Variants in COLEC12 observed in about 807,000 individuals in gnomAD.
COLEC12 encodes the protein collectin subfamily member 12, also known as collectin-12.
COLEC12 carries 33 observed loss-of-function variants against 71.1 expected under a neutral mutation model. That is an observed-to-expected ratio of 0.46 (90% CI 0.35 to 0.62). The LOEUF (loss-of-function observed/expected upper bound fraction) is 0.62. COLEC12 is among the 20% of genes least tolerant of loss of function. The pLI, the probability that COLEC12 is intolerant of heterozygous loss-of-function variation, is 0.00. For synonymous variants in COLEC12, 350 were observed against 353.0 expected, an observed-to-expected ratio of 0.99 and a Z score of 0.10; for missense variants, 765 against 916.1, an observed-to-expected ratio of 0.84 and a Z score of 2.13.
intron 2 of COLEC12, among the ~76,000 whole-genome samples, chr18:391,901 G>C (rs1432542922): frequency 1.3e-5 from 2 of 152,222 alleles, no homozygotes; most frequent in African/African-American, 4.8e-5. Flanking sequence ...CAACAGGTAA[G>C]ATTATTTAAA....
chr18:381,565 C>T (rs897815239), intron 2 of COLEC12, among the ~76,000 whole-genome samples: 2 of 152,118 alleles, frequency 1.3e-5, no homozygotes, highest in Admixed American at 1.3e-4. Flanking sequence ...GTTGTTATAA[C>T]CTTTTTGGAG....
intron 2 of COLEC12, among the ~76,000 whole-genome samples, chr18:401,134 G>C (rs1186461843): frequency 6.6e-6 from 1 of 152,028 alleles, no homozygotes; most frequent in Non-Finnish European, 1.5e-5. Flanking sequence ...GGTAGACTTT[G>C]TCTTCCATGT....
At chr18:393,415 C>G (rs1396718186) in intron 2 of COLEC12, among the ~76,000 whole-genome samples, 2 of 150,780 alleles carry the variant, frequency 1.3e-5, no homozygotes, top group South Asian at 2.1e-4. Flanking sequence ...GGAGGCACAG[C>G]AAATTTCATA....
Position 346,588 on chromosome 18 carries a change from T to C in COLEC12, c.1034A>G (p.Asn345Ser), listed in dbSNP as rs267605181. The C allele has an allele frequency of 6.2e-7, 1 of 1,614,256 alleles. No homozygotes were observed. Among genetic ancestry groups the C allele is most frequent in the Non-Finnish European group, 8.5e-7 (1 of 1,180,048 alleles). The change falls in exon 5 of 10, where the codon AAC becomes AGC. Residue 345 changes from asparagine (N) to serine (S), a missense_variant. Coordinates refer to ENST00000400256, the MANE Select transcript of COLEC12 (RefSeq NM_130386.3). The surrounding 1 kb of genome is among the most constrained non-coding windows in gnomAD (Gnocchi z 4.0). ...RFQLFETDIVNIISNISYTAH... is the reference protein window; with the variant it reads ...RFQLFETDIVSIISNISYTAH... ...TGTGTAACTGATATTGCTAATGATG[T>C]TCACAATATCCGTCTCAAAGAGCTG... is the stretch of plus-strand genomic sequence containing the variant.
chr18:444,330 T>A (rs1263632475), intron 2 of COLEC12, among the ~76,000 whole-genome samples: 2 of 152,268 alleles, frequency 1.3e-5, no homozygotes, highest in Non-Finnish European at 1.5e-5. Context: ...TCTATGTTTA[T>A]ACCATACTTT....
chr18:387,803 G>A (rs879833033), intron 2 of COLEC12, among the ~76,000 whole-genome samples: 6 of 152,276 alleles, frequency 3.9e-5, no homozygotes, highest in African/African-American at 1.2e-4. Context: ...ATTTTAAGAC[G>A]CTTCACTAGC....
chr18:349,887 C>T (rs1025800689), intron 3 of COLEC12, among the ~76,000 whole-genome samples: 4 of 152,246 alleles, frequency 2.6e-5, no homozygotes, highest in Non-Finnish European at 4.4e-5. Flanking sequence ...TACCCAATAC[C>T]TGTAACCCTC....
At chr18:369,643 C>T (rs892632673) in intron 2 of COLEC12, among the ~76,000 whole-genome samples, 1 of 151,966 alleles carries the variant, frequency 6.6e-6, no homozygotes, top group Non-Finnish European at 1.5e-5. Context: ...TTCAAAATTT[C>T]CATGGAAACA....
At position 321,795 on chromosome 18, in the gene COLEC12, A is replaced by G. The variant is rs1913712128; in HGVS notation, c.2076T>C (p.Ala692=). Reference sequence around the variant, plus strand: ...CATGACCCCAGTTATCCGGCTGTCCAGCTTTCCAATTTCTTTTAGCAAAAC... The same window carrying G: ...CATGACCCCAGTTATCCGGCTGTCCGGCTTTCCAATTTCTTTTAGCAAAAC... ...GTSPDYKNWK[A]GQPDNWGHGH... The change falls in exon 9 of 10, where the codon GCT becomes GCC. Residue 692 remains alanine, a synonymous_variant. Transcript: ENST00000400256. 6.2e-7 allele frequency: 1 copy of G among 1,613,476 alleles called. No individual in the cohort carries two copies.
intron 2 of COLEC12, among the ~76,000 whole-genome samples, chr18:374,801 C>G (rs940865565): frequency 2.0e-5 from 3 of 152,162 alleles, no homozygotes; most frequent in African/African-American, 7.2e-5. Context: ...CTCAAGACAG[C>G]AACACGTTAT....
chr18:461,673 A>C (rs2621171), intron 2 of COLEC12, among the ~76,000 whole-genome samples: 151,497 of 152,318 alleles, frequency 0.99, 75,346 homozygotes, highest in East Asian at 1. Flanking sequence ...CAGATGTGAG[A>C]CACTGTACCC....
chr18:455,312 C>CT (rs1435902529), intron 2 of COLEC12, among the ~76,000 whole-genome samples: 1 of 138,936 alleles, frequency 7.2e-6, no homozygotes, highest in Non-Finnish European at 1.5e-5. Flanking sequence ...GAGTTTCACT[C>CT]TGTCACCCAG....
chr18:334,860 G>A lies in COLEC12; in HGVS notation c.1698C>T (p.Gly566=). 6.6e-7 allele frequency: 1 copy of A among 1,526,158 alleles called. No homozygotes were observed. Among genetic ancestry groups the A allele is most frequent in the Non-Finnish European group, 8.7e-7 (1 of 1,146,762 alleles). 94.5% of individuals were successfully genotyped at this position (1,526,158 alleles called of 1,614,324 possible). A position where few individuals can be genotyped will look rare whatever the true frequency, so the allele number is the denominator to read the frequency against. ...CTGGCATGCCTGGTACCCCAGGCAA[G>A]CCTGGCAGTCCCCGAGGTCCAGGCA... The part of the protein sequence containing the change: ...PGVPGPRGLP[G]LPGVPGMPGP... The change falls in exon 6 of 10, where the codon GGC becomes GGT. Residue 566 remains glycine, a synonymous_variant. Transcript: ENST00000400256.
intron 2 of COLEC12, among the ~76,000 whole-genome samples, chr18:476,100 G>A (rs1917298568): frequency 6.6e-6 from 1 of 152,226 alleles, no homozygotes; most frequent in South Asian, 2.1e-4. Context: ...TCAAGGACAT[G>A]CTTCAAAGAA....
In COLEC12 at chr18:319,331, A is replaced by ATATATATAT. The variant is rs1431727726; in HGVS notation, c.*713_*714insATATATATA. On this transcript the variant is annotated 3_prime_UTR_variant, in exon 10 of 10. Transcript: ENST00000400256. ...GAGGAAATGAAACATTAAAAAAAAA[A>ATATATATAT]AAAAAAAAAAATATATATATATATA... 4.2e-4 allele frequency: 23 copies of ATATATATAT among 54,562 alleles called. No homozygotes were observed. The highest frequency in any genetic ancestry group is 6.3e-4 in the South Asian group (1 of 1,576). The allele number at this position is 54,562 out of a possible 1,614,324, so 3.4% of individuals were successfully genotyped here. A position where few individuals can be genotyped will look rare whatever the true frequency, so the allele number is the denominator to read the frequency against.
At chr18:373,921 T>C (rs1285200595) in intron 2 of COLEC12, among the ~76,000 whole-genome samples, 2 of 152,268 alleles carry the variant, frequency 1.3e-5, no homozygotes, top group Non-Finnish European at 2.9e-5. Flanking sequence ...TGTTAAGTCA[T>C]GCTCTTTGCT....
intron 2 of COLEC12, among the ~76,000 whole-genome samples, chr18:441,091 AC>A (rs1197965577): frequency 4.0e-5 from 1 of 24,762 alleles, no homozygotes; most frequent in East Asian, 0.083. Context: ...TACTAAAAAT[AC>A]AAAAAATTGG....
At chr18:339,476 G>A (rs112614886) in intron 5 of COLEC12, among the ~76,000 whole-genome samples, 42 of 152,286 alleles carry the variant, frequency 2.8e-4, no homozygotes, top group African/African-American at 9.6e-4. Flanking sequence ...ATATCGGGGG[G>A]AAATGCACGT....
chr18:398,950 G>A (rs564139547), intron 2 of COLEC12, among the ~76,000 whole-genome samples: 1 of 152,252 alleles, frequency 6.6e-6, no homozygotes, highest in East Asian at 1.9e-4. Flanking sequence ...AAGAAGGAAA[G>A]AGGGAATTAA....
Sources: gnomAD v4.1 joint callset for allele counts (sites outside exome capture counted in the v4.1 genomes callset) on GRCh38, gnomAD v4.1.1 for gene constraint, Gnocchi (gnomAD v3.1) non-coding constraint, MANE v1.5 for transcripts, NCBI Gene and HGNC (gene_info 2026-07-23, HGNC 2026-07-21) for gene names.